Variants in NXPH2 observed in about 807,000 individuals in gnomAD.
NXPH2 encodes the protein neurexophilin-2.
Under a neutral mutation model 19.8 loss-of-function variants are expected in NXPH2, and 5 were observed. The observed-to-expected ratio is 0.25, with a 90% CI of 0.13 to 0.53. NXPH2 has a LOEUF of 0.53. NXPH2 is among the 20% of genes least tolerant of loss of function. The pLI, the probability that NXPH2 is intolerant of heterozygous loss-of-function variation, is 0.96. For missense variants in NXPH2, 289 were observed against 322.8 expected, an observed-to-expected ratio of 0.90 and a Z score of 0.80; for synonymous variants, 154 against 127.4, an observed-to-expected ratio of 1.21 and a Z score of -1.41.
chr2:138,714,849 AC>A (rs1319329586), intron 1 of NXPH2, among the ~76,000 whole-genome samples: 1 of 152,214 alleles, frequency 6.6e-6, no homozygotes, highest in Non-Finnish European at 1.5e-5. Context: ...AAATAATATA[AC>A]ATATAATGGC....
intron 1 of NXPH2, among the ~76,000 whole-genome samples, chr2:138,732,347 G>A (rs1681465235): frequency 6.6e-6 from 1 of 152,214 alleles, no homozygotes. Flanking sequence ...CACACATCCA[G>A]CACTGGAAGA....
intron 1 of NXPH2, among the ~76,000 whole-genome samples, chr2:138,752,336 C>T (rs4462740): frequency 0.94 from 142,419 of 152,174 alleles, 67,298 homozygotes; most frequent in Non-Finnish European, 1. Context: ...ACAAAATTAA[C>T]AACGGAGAAT....
chr2:138,747,534 T>C (rs915558046), intron 1 of NXPH2, among the ~76,000 whole-genome samples: 10 of 152,204 alleles, frequency 6.6e-5, no homozygotes, highest in Non-Finnish European at 1.5e-4. Flanking sequence ...CTCATGGTAT[T>C]AATGGATATC....
intron 1 of NXPH2, among the ~76,000 whole-genome samples, chr2:138,720,453 G>A (rs996888334): frequency 6.6e-6 from 1 of 152,222 alleles, no homozygotes; most frequent in Admixed American, 6.5e-5. Context: ...GGTGGTGAGA[G>A]GCAAGGCCAC....
chr2:138,732,393 G>C (rs1458197145), intron 1 of NXPH2, among the ~76,000 whole-genome samples: 3 of 152,190 alleles, frequency 2.0e-5, no homozygotes, highest in African/African-American at 7.2e-5. Flanking sequence ...AAAGGCACCA[G>C]CATGGTTAGG....
intron 1 of NXPH2, among the ~76,000 whole-genome samples, chr2:138,731,676 T>C (rs1681454683): frequency 6.6e-6 from 1 of 151,936 alleles, no homozygotes; most frequent in South Asian, 2.1e-4. Context: ...TTCTAAAGAC[T>C]GGGGAGGTCA....
chr2:138,752,834 A>G (rs1248583022), intron 1 of NXPH2, among the ~76,000 whole-genome samples: 1 of 152,162 alleles, frequency 6.6e-6, no homozygotes, highest in Non-Finnish European at 1.5e-5. Flanking sequence ...CTACAAGTGG[A>G]ACTTGTCTGA....
chr2:138,682,419 G>A (rs1229048177), intron 1 of NXPH2, among the ~76,000 whole-genome samples: 1 of 152,044 alleles, frequency 6.6e-6, no homozygotes, highest in Non-Finnish European at 1.5e-5. Context: ...TTACAGAACT[G>A]TCACAGTAGA....
chr2:138,699,047 C>T (rs952150827), intron 1 of NXPH2, among the ~76,000 whole-genome samples: 3 of 151,812 alleles, frequency 2.0e-5, no homozygotes, highest in African/African-American at 7.3e-5. Context: ...GCTCATTACA[C>T]TAAATAGAAA....
At chr2:138,770,505 G>A (rs1682160644) in intron 1 of NXPH2, among the ~76,000 whole-genome samples, 1 of 151,964 alleles carries the variant, frequency 6.6e-6, no homozygotes, top group South Asian at 2.1e-4. Context: ...ATTTTAATAT[G>A]AGACATAATG....
At chr2:138,685,475 G>C (rs1680633470) in intron 1 of NXPH2, among the ~76,000 whole-genome samples, 1 of 151,976 alleles carries the variant, frequency 6.6e-6, no homozygotes, top group Non-Finnish European at 1.5e-5. Flanking sequence ...CTTACCATGG[G>C]GTTATGTCCC....
intron 1 of NXPH2, among the ~76,000 whole-genome samples, chr2:138,752,013 A>G (rs1337857925): frequency 6.6e-6 from 1 of 152,224 alleles, no homozygotes; most frequent in Non-Finnish European, 1.5e-5. Flanking sequence ...GAACTATGAA[A>G]TAGAGGCCCA....
chr2:138,775,377 A>G (rs900016387), intron 1 of NXPH2, among the ~76,000 whole-genome samples: 1 of 152,144 alleles, frequency 6.6e-6, no homozygotes, highest in Non-Finnish European at 1.5e-5. Context: ...ATGAAAATCT[A>G]TACCACAACT....
intron 1 of NXPH2, among the ~76,000 whole-genome samples, chr2:138,688,464 G>A (rs957400723): frequency 5.9e-5 from 9 of 152,150 alleles, no homozygotes; most frequent in African/African-American, 1.4e-4. Context: ...TTACAGGTGT[G>A]AGCCACCATG....
At chr2:138,727,451 TTTTGTTTG>T (rs767235448) in intron 1 of NXPH2, among the ~76,000 whole-genome samples, 9 of 152,034 alleles carry the variant, frequency 5.9e-5, no homozygotes, top group African/African-American at 2.2e-4. Flanking sequence ...TCTCACTGTT[TTTTGTTTG>T]TTTGTTTGTT....
At chr2:138,771,549 G>A (rs1682176711) in intron 1 of NXPH2, among the ~76,000 whole-genome samples, 1 of 152,118 alleles carries the variant, frequency 6.6e-6, no homozygotes, top group South Asian at 2.1e-4. Context: ...AGTATTTGAG[G>A]GCTATTGATT....
intron 1 of NXPH2, among the ~76,000 whole-genome samples, chr2:138,678,703 C>T (rs908992102): frequency 3.9e-5 from 6 of 152,086 alleles, no homozygotes; most frequent in African/African-American, 1.2e-4. Context: ...ATTGTACCCA[C>T]TTTGATAGTT....
chr2:138,755,141 A>T (rs894942570), intron 1 of NXPH2, among the ~76,000 whole-genome samples: 1 of 152,068 alleles, frequency 6.6e-6, no homozygotes, highest in Non-Finnish European at 1.5e-5. Flanking sequence ...ATCTCAGTAT[A>T]CGGCTTATCT....
chr2:138,746,754 C>A lies in NXPH2; in HGVS notation c.51+33437G>T, dbSNP rs114956851. On this transcript the variant is annotated intron_variant, in intron 1 of 1. Transcript: ENST00000272641. ...CCCACTATCACTGACCAAATTCCTA[C>A]CATCAATTTCACATGAGAATTCTGC... Among the ~76,000 whole-genome samples, 524 of 152,312 alleles carry A rather than the reference C, an allele frequency of 3.4e-3. 1 individual carries two copies. Among genetic ancestry groups the A allele is most frequent in the Non-Finnish European group, 4.8e-3 (327 of 68,032 alleles).
Sources: gnomAD v4.1 joint callset for allele counts (sites outside exome capture counted in the v4.1 genomes callset) on GRCh38, gnomAD v4.1.1 for gene constraint, MANE v1.5 for transcripts, NCBI Gene and HGNC (gene_info 2026-07-23, HGNC 2026-07-21) for gene names.